The following IGF2BP1 variants were observed in gnomAD, a reference collection of about 807,000 sequenced individuals.
The protein encoded by IGF2BP1 is insulin-like growth factor 2 mRNA-binding protein 1.
IGF2BP1 carries 11 observed loss-of-function variants against 74.9 expected under a neutral mutation model. That is an observed-to-expected ratio of 0.15 (90% CI 0.09 to 0.24). The LOEUF (loss-of-function observed/expected upper bound fraction) is 0.24, where lower values mean the gene tolerates loss of function less well. Among genes scored for constraint, IGF2BP1 ranks in the 10% least tolerant of loss-of-function variants. The pLI is 1.00. For missense variants in IGF2BP1, 440 were observed against 757.4 expected, an observed-to-expected ratio of 0.58 and a Z score of 4.92; for synonymous variants, 287 against 281.8, an observed-to-expected ratio of 1.02 and a Z score of -0.18.
chr17:49,036,865 G>C (rs1242693806), intron 5 of IGF2BP1: 1 of 155,822 alleles, frequency 6.4e-6, no homozygotes, highest in South Asian at 2.0e-4. Flanking sequence ...TTGAACCCGG[G>C]AGGCGGAGGT....
At chr17:49,013,780 C>A (rs556906215) in intron 2 of IGF2BP1, 2 of 152,462 alleles carry the variant, frequency 1.3e-5, no homozygotes, top group Admixed American at 1.3e-4. Context: ...GGCCCCACCC[C>A]CACCCCGCAG....
intron 5 of IGF2BP1, among the ~76,000 whole-genome samples, chr17:49,032,293 C>T (rs118182877): frequency 0.052 from 7,929 of 152,166 alleles, 259 homozygotes; most frequent in Non-Finnish European, 0.075. Flanking sequence ...GCTGATAGGT[C>T]TCTGGTTGCT....
rs1292665179 is a variant in IGF2BP1, at chr17:49,024,515, AC to A, written c.237-1102del. 1.7e-4 allele frequency among the ~76,000 whole-genome samples: 26 copies of A among 151,808 alleles called. 2 individuals are homozygous for A. Among genetic ancestry groups the A allele is most frequent in the Admixed American group, 1.6e-3 (25 of 15,226 alleles). On this transcript the variant is annotated intron_variant, in intron 2 of 14. Transcript: ENST00000290341. ...ATGCTGACTTGTATGTGTGTTAATC[AC>A]TCCCACCTTAGTATTCACAGATACA...
chr17:49,031,804 G>C, intron 4 of IGF2BP1, 106 bp from the exon 5 acceptor site: 1 of 1,020,512 alleles, frequency 9.8e-7, no homozygotes, highest in Non-Finnish European at 1.5e-6. Flanking sequence ...TGTCTGGCCT[G>C]CCAGATGTCT....
chr17:49,052,919 T>C lies in IGF2BP1; in HGVS notation c.*3475T>C, dbSNP rs1463383852. ...AATTCTTTGAAACACATAACCAAAA[T>C]GGTTTGATTCACTGACTGACTTTGA... On this transcript the variant is annotated 3_prime_UTR_variant, in exon 15 of 15. Transcript: ENST00000290341. 1.3e-5 allele frequency: 2 copies of C among 152,256 alleles called. No individual in the cohort carries two copies. The highest frequency in any genetic ancestry group is 2.9e-5 in the Non-Finnish European group (2 of 68,036). The allele number at this position is 152,256 out of a possible 1,614,324, so 9.4% of individuals were successfully genotyped here. A position where few individuals can be genotyped will look rare whatever the true frequency, so the allele number is the denominator to read the frequency against.
At chr17:49,014,093 A>T (rs1422328536) in intron 2 of IGF2BP1, 2 of 152,278 alleles carry the variant, frequency 1.3e-5, no homozygotes, top group South Asian at 2.1e-4. Context: ...CCCGCCCCTC[A>T]GCTGCGCCGT....
In IGF2BP1 at chr17:48,997,653, C is replaced by A; in HGVS notation, c.-93C>A. ...CAAAGAAAGTTTGCGGCTCCTGCCG[C>A]CGGCCTCTCCGCCTCTTGGCCTAGG... is the stretch of plus-strand genomic sequence containing the variant. On this transcript the variant is annotated 5_prime_UTR_variant, in exon 1 of 15. Coordinates refer to ENST00000290341, the MANE Select transcript of IGF2BP1 (RefSeq NM_006546.4). This position sits in a 1 kb window ranked among gnomAD's most constrained non-coding sequence, Gnocchi z 4.8. 7.3e-7 allele frequency: 1 copy of A among 1,369,674 alleles called. No individual in the cohort carries two copies. The highest frequency in any genetic ancestry group is 1.0e-6 in the Non-Finnish European group (1 of 998,272). 84.8% of individuals were successfully genotyped at this position (1,369,674 alleles called of 1,614,324 possible). A position where few individuals can be genotyped will look rare whatever the true frequency, so the allele number is the denominator to read the frequency against.
rs564205651 is a variant in IGF2BP1 at position 49,027,808 on chromosome 17, C to T, written c.337+1291C>T. ...CGGAGCTTGCAGTGAGCAGAGATCG[C>T]GCCACTGCACTCCAGCCTGGGCGAA... On this transcript the variant is annotated intron_variant, in intron 4 of 14. Coordinates refer to ENST00000290341, the MANE Select transcript of IGF2BP1 (RefSeq NM_006546.4). 2.1e-4 allele frequency among the ~76,000 whole-genome samples: 29 copies of T among 139,888 alleles called. No individual in the cohort carries two copies. In the East Asian group the frequency reaches 5.0e-3, roughly 24 times the overall value. 91.8% of individuals were successfully genotyped at this position (139,888 alleles called of 152,430 possible).
chr17:48,996,741 T>C (rs909913767), upstream of IGF2BP1, among the ~76,000 whole-genome samples: 3 of 152,106 alleles, frequency 2.0e-5, no homozygotes, highest in Non-Finnish European at 4.4e-5. Flanking sequence ...CATTATTTCC[T>C]GCGGCTTCCT....
At chr17:49,020,966 A>G (rs1001649097) in intron 2 of IGF2BP1, among the ~76,000 whole-genome samples, 3 of 89,656 alleles carry the variant, frequency 3.3e-5, no homozygotes, top group African/African-American at 2.0e-4. Context: ...CCGTCTCTAC[A>G]AATTAAAAAA....
Position 49,041,484 on chromosome 17 carries a change from A to C in IGF2BP1, c.925A>C (p.Lys309Gln), listed in dbSNP as rs1185408371. 6.2e-7 allele frequency: 1 copy of C among 1,613,990 alleles called. No individual in the cohort carries two copies. Among genetic ancestry groups the C allele is most frequent in the East Asian group, 2.2e-5 (1 of 44,892 alleles). The change falls in exon 8 of 15, where the codon AAA (lysine) becomes CAA (glutamine). Residue 309 changes from lysine (K) to glutamine (Q), a missense_variant. Physicochemically the swap from Lys to Gln is moderately conservative, Grantham distance 53 (BLOSUM62 1). Transcript: ENST00000290341. ...LKKVEQDTET[K>Q]ITISSLQDLT... The stretch of plus-strand genomic sequence containing the variant: ...GAAGGTAGAGCAAGATACCGAGACA[A>C]AAATCACCATCTCCTCGTAAGGCTC...
rs116613679 is a variant in IGF2BP1, at chr17:49,043,941, G to A, written c.1201-26G>A. Reference sequence around the variant, plus strand: ...CTGGGCCATGCTACTTGGGCCCCCTGGTAACAACGCCTCCTATCCTGGCAG... The same window carrying A: ...CTGGGCCATGCTACTTGGGCCCCCTAGTAACAACGCCTCCTATCCTGGCAG... On this transcript the variant is annotated intron_variant, in intron 10 of 14. Coordinates refer to ENST00000290341, the MANE Select transcript of IGF2BP1 (RefSeq NM_006546.4). The A allele has an allele frequency of 2.1e-4, 346 of 1,611,178 alleles. 2 individuals are homozygous for A. In the African/African-American group the frequency reaches 4.2e-3, roughly 19 times the overall value.
At chr17:49,032,982 A>ATTTTTGTATT (rs937376649) in intron 5 of IGF2BP1, among the ~76,000 whole-genome samples, 3 of 151,836 alleles carry the variant, frequency 2.0e-5, no homozygotes, top group African/African-American at 7.3e-5. Flanking sequence ...TGCCTGGTTC[A>ATTTTTGTATT]TTTTTGTATT....
Position 49,043,415 on chromosome 17 carries a change from C to T in IGF2BP1, c.1078-13C>T. The stretch of plus-strand genomic sequence containing the variant: ...GGGTGTGCTGACTCTTCCTCCTCAT[C>T]TTTCTTCCCCAGCTGCAGTCTCACC... On this transcript the variant is annotated splice_polypyrimidine_tract_variant and intron_variant, in intron 9 of 14. Coordinates refer to ENST00000290341, the MANE Select transcript of IGF2BP1 (RefSeq NM_006546.4). 6.2e-7 allele frequency: 1 copy of T among 1,613,554 alleles called. No homozygotes were observed. Among genetic ancestry groups the T allele is most frequent in the Non-Finnish European group, 8.5e-7 (1 of 1,179,928 alleles).
intron 5 of IGF2BP1, 120 bp from the exon 6 acceptor site, chr17:49,038,048 A>G: frequency 1.2e-6 from 1 of 862,132 alleles, no homozygotes; most frequent in Non-Finnish European, 1.6e-6. Context: ...TGGGCAGGTG[A>G]CTATCTCCTT....
chr17:49,029,720 G>A (rs1430826996), intron 4 of IGF2BP1, among the ~76,000 whole-genome samples: 1 of 152,012 alleles, frequency 6.6e-6, no homozygotes, highest in African/African-American at 2.4e-5. Flanking sequence ...AAACTTCTGG[G>A]ATCAAGTGAT....
At chr17:48,999,649 A>C (rs2041460507) in intron 2 of IGF2BP1, among the ~76,000 whole-genome samples, 1 of 151,932 alleles carries the variant, frequency 6.6e-6, no homozygotes, top group African/African-American at 2.4e-5. Flanking sequence ...GCCCCCAAAG[A>C]ATCCCCTTAT....
chr17:49,023,162 C>G (rs758513108), intron 2 of IGF2BP1, among the ~76,000 whole-genome samples: 102 of 152,190 alleles, frequency 6.7e-4, no homozygotes, highest in Non-Finnish European at 1.4e-3. Flanking sequence ...GGGGTTCCCT[C>G]TTGGCCAATG....
At chr17:49,043,836 T>C (rs1452330680) in intron 10 of IGF2BP1, 131 bp from the exon 11 acceptor site, 2 of 1,290,286 alleles carry the variant, frequency 1.6e-6, no homozygotes, top group Non-Finnish European at 2.1e-6. Context: ...GCTCACAGCA[T>C]CCCTTGGCAG....
Sources: allele counts gnomAD v4.1 joint callset (sites outside exome capture counted in the v4.1 genomes callset), GRCh38; gene constraint gnomAD v4.1.1; non-coding constraint Gnocchi (gnomAD v3.1); transcripts MANE v1.5; gene names NCBI Gene and HGNC (gene_info 2026-07-23, HGNC 2026-07-21).